The following SNX29 variants were observed in gnomAD, a reference collection of about 807,000 sequenced individuals.
SNX29 encodes sorting nexin-29.
Under a neutral mutation model 102.1 loss-of-function variants are expected in SNX29, and 78 were observed. The ratio of observed to expected loss-of-function variants is 0.76; its 90% CI spans 0.64 to 0.92. The LOEUF is 0.92. SNX29 is among the 40% of genes least tolerant of loss of function. The pLI is 0.00. For synonymous variants in SNX29, 580 were observed against 414.5 expected, an observed-to-expected ratio of 1.40 and a Z score of -4.85; for missense variants, 1,280 against 1,061.7, an observed-to-expected ratio of 1.21 and a Z score of -2.86.
intron 19 of SNX29, among the ~76,000 whole-genome samples, chr16:12,522,636 C>A: frequency 6.6e-6 from 1 of 152,182 alleles, no homozygotes; most frequent in East Asian, 1.9e-4. Flanking sequence ...TCCCGCTTCA[C>A]TGTCTTCCTC....
At chr16:12,542,978 C>G (rs1159366691) in intron 20 of SNX29, among the ~76,000 whole-genome samples, 1 of 152,118 alleles carries the variant, frequency 6.6e-6, no homozygotes, top group Non-Finnish European at 1.5e-5. Flanking sequence ...ACTTACTACT[C>G]CTGTAACTAT....
intron 15 of SNX29, among the ~76,000 whole-genome samples, chr16:12,314,925 C>T (rs1400297744): frequency 6.6e-6 from 1 of 152,208 alleles, no homozygotes; most frequent in Non-Finnish European, 1.5e-5. Context: ...CTCGTCTTCT[C>T]AATAATCCTT....
chr16:12,427,338 CA>C (rs1446732925), intron 18 of SNX29, among the ~76,000 whole-genome samples: 1 of 151,966 alleles, frequency 6.6e-6, no homozygotes, highest in Admixed American at 6.5e-5. Flanking sequence ...TAAATGTTGG[CA>C]ACCAATTAGA....
At chr16:12,051,749 G>C in intron 7 of SNX29, 98 bp from the exon 8 acceptor site, 1 of 1,490,530 alleles carries the variant, frequency 6.7e-7, no homozygotes, top group Non-Finnish European at 9.0e-7. Flanking sequence ...TTTCTCACTC[G>C]AATAGTATTT....
chr16:12,430,628 T>G (rs1597354807), intron 18 of SNX29, among the ~76,000 whole-genome samples: 1 of 152,246 alleles, frequency 6.6e-6, no homozygotes, highest in African/African-American at 2.4e-5. Context: ...TGTTATTACT[T>G]GTAAAGCACT....
intron 15 of SNX29, among the ~76,000 whole-genome samples, chr16:12,329,847 C>T (rs182070035): frequency 6.6e-6 from 1 of 152,340 alleles, no homozygotes; most frequent in East Asian, 1.9e-4. Flanking sequence ...ACAAAGATCA[C>T]TGTTCCTCTT....
chr16:12,262,955 A>G (rs948345967), intron 14 of SNX29, among the ~76,000 whole-genome samples: 5 of 152,122 alleles, frequency 3.3e-5, no homozygotes, highest in South Asian at 2.1e-4. Flanking sequence ...GTTTCTGTGT[A>G]TTATCTTTTG....
intron 20 of SNX29, among the ~76,000 whole-genome samples, chr16:12,553,763 C>A (rs747015945): frequency 6.7e-6 from 1 of 150,298 alleles, no homozygotes; most frequent in East Asian, 1.9e-4. Flanking sequence ...TAGTTTTTTT[C>A]CTTAAGTACA....
At chr16:12,069,779 C>A (rs1037255396) in intron 10 of SNX29, among the ~76,000 whole-genome samples, 1 of 152,252 alleles carries the variant, frequency 6.6e-6, no homozygotes, top group African/African-American at 2.4e-5. Context: ...CAAGCTCTGC[C>A]TGCTGTGTTC....
At chr16:12,047,578 A>G (rs2050137958) in intron 6 of SNX29, among the ~76,000 whole-genome samples, 1 of 151,880 alleles carries the variant, frequency 6.6e-6, no homozygotes, top group African/African-American at 2.4e-5. Flanking sequence ...TCCTGTGAGG[A>G]AGATAATATT....
At chr16:12,017,007 G>A (rs890724664) in intron 3 of SNX29, among the ~76,000 whole-genome samples, 1 of 151,940 alleles carries the variant, frequency 6.6e-6, no homozygotes, top group African/African-American at 2.4e-5. Flanking sequence ...GGTAGCGCCT[G>A]TGGTCTCAGC....
intron 14 of SNX29, among the ~76,000 whole-genome samples, chr16:12,227,497 T>C (rs2077647084): frequency 6.6e-6 from 1 of 152,190 alleles, no homozygotes; most frequent in African/African-American, 2.4e-5. Flanking sequence ...CTCAATTCTG[T>C]CAACATTTGC....
intron 18 of SNX29, among the ~76,000 whole-genome samples, chr16:12,448,943 T>A (rs533694721): frequency 6.6e-6 from 1 of 152,302 alleles, no homozygotes; most frequent in South Asian, 2.1e-4. Context: ...TGACTCCCAG[T>A]GATTATCTCT....
intron 3 of SNX29, among the ~76,000 whole-genome samples, chr16:12,004,498 TG>T (rs1201175396): frequency 6.6e-6 from 1 of 152,170 alleles, no homozygotes; most frequent in Non-Finnish European, 1.5e-5. Context: ...GCAAATGCGT[TG>T]TGAGCTCAGT....
chr16:12,176,920 G>C (rs1274429703), intron 13 of SNX29, among the ~76,000 whole-genome samples: 1 of 151,898 alleles, frequency 6.6e-6, no homozygotes, highest in African/African-American at 2.4e-5. Context: ...CAGGTCCTGG[G>C]GTCGGGCTGT....
At position 12,569,288 on chromosome 16, in the gene SNX29, T is replaced by C; in HGVS notation, c.*659T>C. ...TTGAGTTCAGAGAACTTCCCCTACC[T>C]CCCCCATGGCTGGCTTCAGGAAGGA... On this transcript the variant is annotated 3_prime_UTR_variant, in exon 21 of 21. Coordinates refer to ENST00000566228, the MANE Select transcript of SNX29 (RefSeq NM_032167.5). 4.4e-6 allele frequency: 1 copy of C among 228,078 alleles called. No individual in the cohort carries two copies. The highest frequency in any genetic ancestry group is 8.7e-6 in the Non-Finnish European group (1 of 115,014). The allele number at this position is 228,078 out of a possible 1,614,324, so 14.1% of individuals were successfully genotyped here.
At chr16:12,367,929 G>C (rs777695383) in intron 16 of SNX29, among the ~76,000 whole-genome samples, 1 of 152,218 alleles carries the variant, frequency 6.6e-6, no homozygotes, top group Non-Finnish European at 1.5e-5. Flanking sequence ...TTGGAAAGAT[G>C]CTTGTGGAAC....
At chr16:12,420,992 G>T (rs1208402221) in intron 18 of SNX29, among the ~76,000 whole-genome samples, 1 of 152,186 alleles carries the variant, frequency 6.6e-6, no homozygotes, top group African/African-American at 2.4e-5. Context: ...GGTGCTATGC[G>T]GGGTACTTTT....
At chr16:12,363,385 G>C (rs1332005040) in intron 16 of SNX29, among the ~76,000 whole-genome samples, 2 of 152,140 alleles carry the variant, frequency 1.3e-5, no homozygotes, top group African/African-American at 4.8e-5. Flanking sequence ...CTGGATCCCT[G>C]ACCACACTGG....
Sources: gnomAD v4.1 joint callset for allele counts (sites outside exome capture counted in the v4.1 genomes callset) on GRCh38, gnomAD v4.1.1 for gene constraint, MANE v1.5 for transcripts, NCBI Gene and HGNC (gene_info 2026-07-23, HGNC 2026-07-21) for gene names.